The following NAV1 variants were observed in gnomAD, a reference collection of about 807,000 sequenced individuals.
NAV1 encodes the protein pore membrane and/or filament interacting like protein 3.
A neutral mutation model predicts 175.2 loss-of-function variants in NAV1; 18 were observed. The observed-to-expected ratio is 0.10, with a 90% CI of 0.07 to 0.15. The LOEUF is 0.15. Among genes scored for constraint, NAV1 ranks in the 10% least tolerant of loss-of-function variants. NAV1 has a pLI of 1.00. For missense variants in NAV1, 1,731 were observed against 2,436.6 expected (o/e 0.71, Z 6.10); for synonymous variants, 897 against 978.7 (o/e 0.92, Z 1.56).
At chr1:201,648,188 C>A, upstream of NAV1, 1 of 977,954 alleles carries the variant, frequency 1.0e-6, no homozygotes, top group Non-Finnish European at 1.2e-6. Context: ...AGCCTGCAGC[C>A]TCGACTCGGG....
chr1:201,556,938 C>G (rs139594034), intron 1 of NAV1, among the ~76,000 whole-genome samples: 1 of 152,282 alleles, frequency 6.6e-6, no homozygotes, highest in East Asian at 1.9e-4. Flanking sequence ...AAAGCTCAGA[C>G]CAGTAGACTC....
At chr1:201,785,240 C>T in intron 7 of NAV1, 70 bp from the exon 12 acceptor site, 2 of 1,550,144 alleles carry the variant, frequency 1.3e-6, no homozygotes, top group Non-Finnish European at 1.8e-6. Context: ...TGGTCCTAAA[C>T]TCTAGTTCCT....
exon 1 of NAV1, chr1:201,649,365 CCCGAGCTGGTGGTGA>C: frequency 6.2e-7 from 1 of 1,607,240 alleles, no homozygotes; most frequent in Non-Finnish European, 8.5e-7. Context: ...CAAGGTGGAC[CCCGAGCTGGTGGTGA>C]CCGTGCTGGG....
chr1:201,790,875 G>A (rs994179241), intron 13 of NAV1, 109 bp downstream of exon 17: 13 of 1,012,674 alleles, frequency 1.3e-5, no homozygotes, highest in Non-Finnish European at 2.0e-5. Flanking sequence ...GGACTGAGAC[G>A]TCAAGGGCAT....
In NAV1 at chr1:201,616,071, C is replaced by T. The variant is rs142879720; in HGVS notation, c.-32-6782C>T. ...ATACTTGTTGGTCCTTACTATGTGC[C>T]AGACACTGTTCTAAGCACTTTCTGT... On this transcript the variant is annotated intron_variant, in intron 2 of 33. Coordinates refer to the NAV1 transcript ENST00000685211. Among the ~76,000 whole-genome samples the T allele has an allele frequency of 7.7e-3, 1,177 of 152,178 alleles. 12 individuals are homozygous for T. The highest frequency in any genetic ancestry group is 0.026 in the African/African-American group (1,078 of 41,488).
chr1:201,595,015 G>A (rs1443249102), intron 2 of NAV1, among the ~76,000 whole-genome samples: 1 of 152,244 alleles, frequency 6.6e-6, no homozygotes, highest in Non-Finnish European at 1.5e-5. Context: ...TGAGGGGAGG[G>A]ATGTGAAAGC....
At chr1:201,637,596 T>C (rs947641571) in intron 2 of NAV1, among the ~76,000 whole-genome samples, 1 of 152,212 alleles carries the variant, frequency 6.6e-6, no homozygotes, top group East Asian at 1.9e-4. Flanking sequence ...CCAAGGTCCC[T>C]CTTAGTGTTG....
At chr1:201,706,577 G>A (rs912779294) in intron 1 of NAV1, among the ~76,000 whole-genome samples, 3 of 152,118 alleles carry the variant, frequency 2.0e-5, no homozygotes. Flanking sequence ...CCCTGAAACC[G>A]CCGTGTACAA....
chr1:201,556,534 G>A (rs1044349132), intron 1 of NAV1, among the ~76,000 whole-genome samples: 2 of 152,188 alleles, frequency 1.3e-5, no homozygotes, highest in African/African-American at 4.8e-5. Flanking sequence ...GGGCAGGAAG[G>A]GCCTCTTGGG....
In NAV1 at chr1:201,808,345, C is replaced by T; in HGVS notation, c.3846-73C>T. On this transcript the variant is annotated intron_variant, in intron 18 of 29. Transcript: ENST00000367296. This position sits in a 1 kb window ranked among gnomAD's most constrained non-coding sequence, Gnocchi z 5.5. The stretch of plus-strand genomic sequence containing the variant: ...GGCAGGAGAAGCCAAGACCACCAAC[C>T]ATGCCTCTCAATATTCTCTAGTAAC... 6.6e-7 allele frequency: 1 copy of T among 1,513,334 alleles called. No homozygotes were observed. Among genetic ancestry groups the T allele is most frequent in the Non-Finnish European group, 8.9e-7 (1 of 1,123,190 alleles). The allele number at this position is 1,513,334 out of a possible 1,614,324, so 93.7% of individuals were successfully genotyped here.
chr1:201,648,645 G>C (rs915406927), exon 1 of NAV1: 2 of 1,345,340 alleles, frequency 1.5e-6, no homozygotes, highest in Non-Finnish European at 1.9e-6. Flanking sequence ...CGCGCGGATC[G>C]TCCATGCGCT....
chr1:201,672,524 CCCA>C (rs1285062851), intron 1 of NAV1, among the ~76,000 whole-genome samples: 1 of 152,178 alleles, frequency 6.6e-6, no homozygotes, highest in South Asian at 2.1e-4. Context: ...GTTCAGTGAA[CCCA>C]CACAGCCCTT....
At chr1:201,617,423 C>T (rs1223855077) in intron 2 of NAV1, among the ~76,000 whole-genome samples, 2 of 152,108 alleles carry the variant, frequency 1.3e-5, no homozygotes, top group African/African-American at 4.8e-5. Context: ...TTGAACAGAC[C>T]CTTGTTTAAG....
chr1:201,564,381 G>A (rs868395064), intron 1 of NAV1, among the ~76,000 whole-genome samples: 7 of 152,048 alleles, frequency 4.6e-5, no homozygotes, highest in South Asian at 4.1e-4. Context: ...TTGGGAGGCC[G>A]AGGCGGGCAG....
chr1:201,681,981 T>C (rs1357914004), intron 1 of NAV1, among the ~76,000 whole-genome samples: 1 of 152,120 alleles, frequency 6.6e-6, no homozygotes, highest in Non-Finnish European at 1.5e-5. Flanking sequence ...CTGGGTGTGG[T>C]GATGCACATC....
upstream of NAV1, among the ~76,000 whole-genome samples, chr1:201,643,806 T>C (rs1216577470): frequency 6.6e-6 from 1 of 151,978 alleles, no homozygotes; most frequent in Non-Finnish European, 1.5e-5. Flanking sequence ...CCTAACACAG[T>C]CCCAACTGAC....
chr1:201,596,340 ACT>A (rs1667347568), intron 2 of NAV1, among the ~76,000 whole-genome samples: 1 of 151,798 alleles, frequency 6.6e-6, no homozygotes, highest in South Asian at 2.1e-4. Context: ...GATGACAGGG[ACT>A]CTCTTCCCTT....
rs1678431131 is a variant in NAV1 at position 201,808,205 on chromosome 1, T to C, written c.3845+56T>C. 6.3e-7 allele frequency: 1 copy of C among 1,590,900 alleles called. No individual in the cohort carries two copies. Among genetic ancestry groups the C allele is most frequent in the African/African-American group, 1.3e-5 (1 of 74,528 alleles). On this transcript the variant is annotated intron_variant, in intron 18 of 29. Transcript: ENST00000367296. This position sits in a 1 kb window ranked among gnomAD's most constrained non-coding sequence, Gnocchi z 5.5. ...CCTGTTACCAGTGTAAGCTGTGGGC[T>C]AGAGTTGACAGGAGGCCATTAGACC...
At chr1:201,591,590 T>G (rs899703780) in intron 2 of NAV1, among the ~76,000 whole-genome samples, 1 of 152,178 alleles carries the variant, frequency 6.6e-6, no homozygotes, top group East Asian at 1.9e-4. Flanking sequence ...TGTATGCAGA[T>G]GTATGCAAAT....
Sources: allele counts gnomAD v4.1 joint callset (sites outside exome capture counted in the v4.1 genomes callset), GRCh38; gene constraint gnomAD v4.1.1; non-coding constraint Gnocchi (gnomAD v3.1); transcripts MANE v1.5; gene names NCBI Gene and HGNC (gene_info 2026-07-23, HGNC 2026-07-21).